Variants in NCOR1 observed in about 807,000 individuals in gnomAD.
The protein encoded by NCOR1 is protein phosphatase 1, regulatory subunit 109.
NCOR1 carries 63 observed loss-of-function variants against 288.1 expected under a neutral mutation model. The ratio of observed to expected loss-of-function variants is 0.22; its 90% CI spans 0.18 to 0.27. The LOEUF is 0.27. Ranked by LOEUF, NCOR1 falls within the 10% of genes least tolerant of loss-of-function variation. The pLI, the probability that NCOR1 is intolerant of heterozygous loss-of-function variation, is 1.00. For synonymous variants in NCOR1, 1,007 were observed against 1,065.9 expected (o/e 0.94, Z 1.08); for missense variants, 2,397 against 3,019.2 (o/e 0.79, Z 4.83).
intron 11 of NCOR1, among the ~76,000 whole-genome samples, chr17:16,142,960 C>A (rs2077355271): frequency 6.6e-6 from 1 of 152,162 alleles, no homozygotes; most frequent in Non-Finnish European, 1.5e-5. Flanking sequence ...AAATGGCGTT[C>A]TTGTTCATAG....
intron 9 of NCOR1, 32 bp from the exon 10 acceptor site, chr17:16,146,580 T>G: frequency 2.0e-6 from 3 of 1,530,140 alleles, no homozygotes; most frequent in Non-Finnish European, 2.6e-6. Context: ...TTAATAATAA[T>G]TAAACTAAAC....
At chr17:16,173,976 A>G (rs1177614428) in intron 3 of NCOR1, among the ~76,000 whole-genome samples, 1 of 152,130 alleles carries the variant, frequency 6.6e-6, no homozygotes, top group Non-Finnish European at 1.5e-5. Flanking sequence ...AAAAGAACAT[A>G]GCTAGGAATA....
intron 14 of NCOR1, among the ~76,000 whole-genome samples, chr17:16,127,052 T>C (rs559075315): frequency 6.6e-6 from 1 of 152,086 alleles, no homozygotes; most frequent in South Asian, 2.1e-4. Context: ...TATTTGTTAC[T>C]GTTAATTCCT....
chr17:16,059,802 G>A (rs928243647), intron 37 of NCOR1, among the ~76,000 whole-genome samples: 3 of 152,064 alleles, frequency 2.0e-5, no homozygotes, highest in Non-Finnish European at 4.4e-5. Context: ...CTGCTCCTCT[G>A]GTACTCAACA....
intron 7 of NCOR1, 140 bp downstream of exon 7, chr17:16,153,192 TACTTTAA>T (rs2079139371): frequency 1.8e-6 from 1 of 551,490 alleles, no homozygotes; most frequent in Non-Finnish European, 3.2e-6. Context: ...CACTCATCAT[TACTTTAA>T]ACTTCATCTC....
intron 23 of NCOR1, among the ~76,000 whole-genome samples, chr17:16,082,665 G>A (rs1423948933): frequency 6.6e-6 from 1 of 151,856 alleles, no homozygotes; most frequent in African/African-American, 2.4e-5. Context: ...GCTACAGTGA[G>A]CTAAGATCAT....
chr17:16,208,970 G>C (rs1485636292), intron 1 of NCOR1, among the ~76,000 whole-genome samples: 1 of 152,096 alleles, frequency 6.6e-6, no homozygotes, highest in African/African-American at 2.4e-5. Flanking sequence ...ATGTGTATCA[G>C]AGATCTTCTA....
rs188291030 is a variant in NCOR1 at position 16,082,442 on chromosome 17, C to T, written c.3178-1715G>A. Among the ~76,000 whole-genome samples, 161 of 152,230 alleles carry T rather than the reference C, an allele frequency of 1.1e-3. 3 individuals are homozygous for T. Among genetic ancestry groups the T allele is most frequent in the African/African-American group, 3.8e-3 (156 of 41,550 alleles). On this transcript the variant is annotated intron_variant, in intron 23 of 45. Coordinates refer to ENST00000268712, the MANE Select transcript of NCOR1 (RefSeq NM_006311.4). ...TGTCTAAATTAAAGGAGGCCAGGTG[C>T]AGTGGCCTGCCTTCTTTAATCCTTA...
intron 18 of NCOR1, among the ~76,000 whole-genome samples, chr17:16,110,857 T>C (rs997762393): frequency 6.6e-6 from 1 of 152,258 alleles, no homozygotes; most frequent in Admixed American, 6.5e-5. Context: ...TCAAGGCTAA[T>C]ATTTCTAAGT....
At chr17:16,181,259 A>T (rs1174803877) in intron 3 of NCOR1, among the ~76,000 whole-genome samples, 2 of 123,640 alleles carry the variant, frequency 1.6e-5, no homozygotes, top group Non-Finnish European at 3.7e-5. Flanking sequence ...GTGTGTATAA[A>T]TATTATTCAA....
intron 18 of NCOR1, among the ~76,000 whole-genome samples, chr17:16,113,541 T>C: frequency 6.6e-6 from 1 of 152,208 alleles, no homozygotes; most frequent in East Asian, 1.9e-4. Flanking sequence ...CACTTCTTAT[T>C]TGTTAGTTAC....
At chr17:16,053,588 G>A (rs1351907815) in intron 40 of NCOR1, among the ~76,000 whole-genome samples, 2 of 152,110 alleles carry the variant, frequency 1.3e-5, no homozygotes, top group African/African-American at 4.8e-5. Flanking sequence ...TGGATAGGAA[G>A]AATCAATATC....
At chr17:16,178,498 CAAA>C (rs564320622) in intron 3 of NCOR1, among the ~76,000 whole-genome samples, 1 of 32,788 alleles carries the variant, frequency 3.0e-5, no homozygotes, top group Non-Finnish European at 6.5e-5. Flanking sequence ...GACTCCGTCT[CAAA>C]AAAAAAAAAA....
chr17:16,065,806 GGAACTTTTACT>G, intron 32 of NCOR1, 112 bp from the exon 33 acceptor site: 1 of 916,838 alleles, frequency 1.1e-6, no homozygotes. Flanking sequence ...TAGTGCACAT[GGAACTTTTACT>G]TAGCTACAAG....
rs1477986131 is a variant in NCOR1 at position 16,127,383 on chromosome 17, A to G, written c.1510-1177T>C. ...TATATATACATGTATGTATATATGT[A>G]TGTATATATACATGTGTATATGTGT... On this transcript the variant is annotated intron_variant, in intron 14 of 45. Transcript: ENST00000268712. 6.0e-4 allele frequency among the ~76,000 whole-genome samples: 77 copies of G among 129,228 alleles called. 6 individuals carry two copies. Among genetic ancestry groups the G allele is most frequent in the African/African-American group, 2.1e-3 (71 of 33,506 alleles). The allele number at this position is 129,228 out of a possible 152,430, so 84.8% of individuals were successfully genotyped here. A position where few individuals can be genotyped will look rare whatever the true frequency, so the allele number is the denominator to read the frequency against.
In NCOR1 at chr17:16,071,540, T is replaced by A; in HGVS notation, c.4021A>T (p.Ile1341Phe). ...CGCCCCATTTCTTTGATGGTGGTGA[T>A]GCCATCATATGGTTTTCCTTTGGTA... ...AITKGKPYDG[I>F]TTIKEMGRSI... Residue 1341 changes from isoleucine (I) to phenylalanine (F), a missense_variant, in exon 30 of 46, where the codon ATC becomes TTC. Ile to Phe is a conservative substitution (Grantham distance 21, BLOSUM62 0). This residue lies in a region of NCOR1 where 1,872 missense variants were observed against 2,187.8 expected (regional missense o/e 0.86). Coordinates refer to ENST00000268712, the MANE Select transcript of NCOR1 (RefSeq NM_006311.4). 1 of 1,614,156 alleles carries A rather than the reference T, an allele frequency of 6.2e-7. No individual in the cohort carries two copies. Among genetic ancestry groups the A allele is most frequent in the Non-Finnish European group, 8.5e-7 (1 of 1,180,018 alleles).
At chr17:16,132,674 C>T (rs1253552846) in intron 14 of NCOR1, among the ~76,000 whole-genome samples, 2 of 152,154 alleles carry the variant, frequency 1.3e-5, no homozygotes, top group African/African-American at 4.8e-5. Flanking sequence ...GTCTCATTTT[C>T]CTATGAGTCT....
intron 4 of NCOR1, among the ~76,000 whole-genome samples, chr17:16,166,992 G>A (rs1371421371): frequency 1.3e-5 from 2 of 151,900 alleles, no homozygotes; most frequent in South Asian, 2.1e-4. Flanking sequence ...AAATGTTAAC[G>A]CATAAAGAAA....
chr17:16,036,454 C>T (rs958903122), intron 44 of NCOR1, among the ~76,000 whole-genome samples: 1 of 152,198 alleles, frequency 6.6e-6, no homozygotes, highest in African/African-American at 2.4e-5. Context: ...CCTGCATTAG[C>T]CCCTAACAAG....
Sources: gnomAD v4.1 joint callset for allele counts (sites outside exome capture counted in the v4.1 genomes callset) on GRCh38, gnomAD v4.1.1 for gene constraint, gnomAD v4.1.1 regional missense constraint, MANE v1.5 for transcripts, NCBI Gene and HGNC (gene_info 2026-07-23, HGNC 2026-07-21) for gene names.